The following CCDC146 variants were observed in gnomAD, a reference collection of about 807,000 sequenced individuals.
CCDC146 encodes the protein coiled-coil domain containing 146.
CCDC146 carries 92 observed loss-of-function variants against 119.3 expected under a neutral mutation model. That is an observed-to-expected ratio of 0.77 (90% CI 0.65 to 0.92). The LOEUF (loss-of-function observed/expected upper bound fraction) is 0.92. Ranked by LOEUF, CCDC146 falls within the 40% of genes least tolerant of loss-of-function variation. The pLI is 0.00. For synonymous variants in CCDC146, 372 were observed against 371.8 expected, an observed-to-expected ratio of 1.00 and a Z score of -0.01; for missense variants, 1,000 against 1,103.0, an observed-to-expected ratio of 0.91 and a Z score of 1.32.
chr7:77,290,928 T>C (rs2150557920), intron 17 of CCDC146, among the ~76,000 whole-genome samples: 1 of 152,322 alleles, frequency 6.6e-6, no homozygotes, highest in East Asian at 1.9e-4. Context: ...TGGAAGCTCA[T>C]TTGCATGTCC....
intron 17 of CCDC146, among the ~76,000 whole-genome samples, chr7:77,289,486 G>A (rs767457316): frequency 6.6e-6 from 1 of 152,210 alleles, no homozygotes; most frequent in Non-Finnish European, 1.5e-5. Context: ...GAACTGGAAA[G>A]TAGAAAGACA....
At chr7:77,204,626 T>TC (rs1792051052) in intron 2 of CCDC146, among the ~76,000 whole-genome samples, 2 of 152,278 alleles carry the variant, frequency 1.3e-5, no homozygotes, top group South Asian at 4.1e-4. Flanking sequence ...AGTGGGAGTA[T>TC]CCAGGGCTTC....
At chr7:77,286,729 A>G (rs6949008) in intron 15 of CCDC146, 69 bp from the exon 16 acceptor site, 309,742 of 1,528,038 alleles carry the variant, frequency 0.2, 35,480 homozygotes, top group African/African-American at 0.47. Context: ...TCAAGACCCT[A>G]GGCAATGTGA....
At chr7:77,202,153 T>G (rs760701750) in intron 2 of CCDC146, among the ~76,000 whole-genome samples, 3 of 152,260 alleles carry the variant, frequency 2.0e-5, no homozygotes, top group Non-Finnish European at 4.4e-5. Context: ...ACTATATATT[T>G]ATTCATCATA....
intron 2 of CCDC146, among the ~76,000 whole-genome samples, chr7:77,229,553 A>G (rs1023351410): frequency 1.3e-5 from 2 of 152,224 alleles, no homozygotes; most frequent in African/African-American, 4.8e-5. Flanking sequence ...CGGTTACTCC[A>G]GCACCATTTA....
At chr7:77,226,413 C>T (rs1792515379) in intron 2 of CCDC146, among the ~76,000 whole-genome samples, 1 of 152,234 alleles carries the variant, frequency 6.6e-6, no homozygotes, top group African/African-American at 2.4e-5. Flanking sequence ...ACGCAAACAC[C>T]TAATTCTTTC....
chr7:77,241,961 C>A, intron 4 of CCDC146, 61 bp downstream of exon 4: 1 of 1,338,562 alleles, frequency 7.5e-7, no homozygotes, highest in South Asian at 1.3e-5. Flanking sequence ...AGAAAAAAAT[C>A]AGATTAAGTT....
intron 5 of CCDC146, among the ~76,000 whole-genome samples, chr7:77,254,830 T>C (rs1793147325): frequency 6.6e-6 from 1 of 152,210 alleles, no homozygotes; most frequent in African/African-American, 2.4e-5. Flanking sequence ...AAAAAAAAGA[T>C]TCTGTGGTTG....
chr7:77,218,994 C>T (rs564419416), intron 2 of CCDC146, among the ~76,000 whole-genome samples: 4 of 152,270 alleles, frequency 2.6e-5, no homozygotes, highest in African/African-American at 9.6e-5. Context: ...ATGAAATATA[C>T]TACTACAACA....
intron 1 of CCDC146, among the ~76,000 whole-genome samples, chr7:77,136,508 C>T (rs1411049778): frequency 6.6e-6 from 1 of 152,116 alleles, no homozygotes; most frequent in African/African-American, 2.4e-5. Flanking sequence ...TCTGTATCTA[C>T]AAATTTGATA....
intron 2 of CCDC146, among the ~76,000 whole-genome samples, chr7:77,227,830 T>G (rs911332376): frequency 6.6e-6 from 1 of 152,206 alleles, no homozygotes; most frequent in Admixed American, 6.5e-5. Flanking sequence ...TTGGAAAAAT[T>G]AGAAAACACA....
intron 2 of CCDC146, chr7:77,195,172 C>G (rs1256582379): frequency 1.3e-5 from 2 of 151,624 alleles, no homozygotes; most frequent in Admixed American, 6.6e-5. Context: ...ACCCACCCCC[C>G]CCAAAAAAAC....
chr7:77,236,029 C>CCACT (rs374811996), intron 2 of CCDC146, among the ~76,000 whole-genome samples: 8,363 of 151,278 alleles, frequency 0.055, 756 homozygotes, highest in African/African-American at 0.19. Context: ...CGAGATTGCA[C>CCACT]CACTGCATTC....
intron 1 of CCDC146, among the ~76,000 whole-genome samples, chr7:77,144,999 G>A (rs1790992999): frequency 6.6e-6 from 1 of 151,788 alleles, no homozygotes; most frequent in Admixed American, 6.6e-5. Context: ...AATGGTACCA[G>A]CTCCTCCTAG....
chr7:77,234,505 C>T (rs1257646157), intron 2 of CCDC146, among the ~76,000 whole-genome samples: 1 of 152,258 alleles, frequency 6.6e-6, no homozygotes, highest in African/African-American at 2.4e-5. Flanking sequence ...GAGGCCAAGG[C>T]GGGTGGGTTG....
At chr7:77,208,559 C>T (rs1040639238) in intron 2 of CCDC146, among the ~76,000 whole-genome samples, 4 of 152,242 alleles carry the variant, frequency 2.6e-5, no homozygotes, top group Non-Finnish European at 4.4e-5. Context: ...TTGACCAAAA[C>T]ATCTTTCTGC....
chr7:77,171,189 A>G (rs565669447), intron 2 of CCDC146, among the ~76,000 whole-genome samples: 1 of 152,310 alleles, frequency 6.6e-6, no homozygotes, highest in South Asian at 2.1e-4. Context: ...AAGCTCATGC[A>G]TTTTTAGGTC....
chr7:77,276,276 C>T (rs1793637132), intron 11 of CCDC146, among the ~76,000 whole-genome samples: 2 of 151,240 alleles, frequency 1.3e-5, no homozygotes. Flanking sequence ...CTAAGCACAT[C>T]CCTTGTTCTC....
chr7:77,181,129 A>T (rs998421835), intron 2 of CCDC146, among the ~76,000 whole-genome samples: 2 of 152,168 alleles, frequency 1.3e-5, no homozygotes, highest in Non-Finnish European at 2.9e-5. Context: ...ATAGTGGTGA[A>T]TAGGGTGTCA....
Sources: allele counts gnomAD v4.1 joint callset (sites outside exome capture counted in the v4.1 genomes callset), GRCh38; gene constraint gnomAD v4.1.1; transcripts MANE v1.5; gene names NCBI Gene and HGNC (gene_info 2026-07-23, HGNC 2026-07-21).